Variants in NSD3 observed in about 807,000 individuals in gnomAD.
NSD3 encodes histone-lysine N-methyltransferase NSD3.
In NSD3, 24 loss-of-function variants were observed where a neutral mutation model predicts 160.8. That is an observed-to-expected ratio of 0.15 (90% CI 0.11 to 0.21). The LOEUF is 0.21. NSD3 is among the 10% of genes least tolerant of loss of function. The probability of loss-of-function intolerance (pLI) is 1.00; values close to 1 mark genes in which losing one functional copy is unlikely to be tolerated. For synonymous variants in NSD3, 520 were observed against 600.0 expected, an observed-to-expected ratio of 0.87 and a Z score of 1.95; for missense variants, 1,157 against 1,735.9, an observed-to-expected ratio of 0.67 and a Z score of 5.93.
At chr8:38,295,690 G>T in intron 16 of NSD3, 106 bp downstream of exon 16, 1 of 1,031,138 alleles carries the variant, frequency 9.7e-7, no homozygotes, top group Non-Finnish European at 1.4e-6. Context: ...TAAGGAAGTA[G>T]GTCCATGCTG....
chr8:38,292,792 A>C (rs1024407958), intron 16 of NSD3, among the ~76,000 whole-genome samples: 11 of 151,410 alleles, frequency 7.3e-5, no homozygotes, highest in African/African-American at 2.2e-4. Flanking sequence ...CTGTCTCAAA[A>C]AAACAAACAA....
chr8:38,373,224 C>T (rs745613139), intron 1 of NSD3, among the ~76,000 whole-genome samples: 1 of 151,678 alleles, frequency 6.6e-6, no homozygotes, highest in East Asian at 1.9e-4. Flanking sequence ...CCGATGTTCA[C>T]TTCTTTTTTT....
At position 38,329,351 on chromosome 8, in the gene NSD3, A is replaced by C; in HGVS notation, c.1581+27T>G. 1 of 1,593,790 alleles carries C rather than the reference A, an allele frequency of 6.3e-7. No individual in the cohort carries two copies. The highest frequency in any genetic ancestry group is 8.6e-7 in the Non-Finnish European group (1 of 1,167,978). On this transcript the variant is annotated intron_variant, in intron 6 of 23. Coordinates refer to ENST00000317025, the MANE Select transcript of NSD3 (RefSeq NM_023034.2). This position sits in a 1 kb window ranked among gnomAD's most constrained non-coding sequence, Gnocchi z 4.8. ...GACCACTTTTAAAATACCATCCCCCAAAAAACTCCACGAAAAAAGGAGGTA... is the reference window on the plus strand; with the variant it reads ...GACCACTTTTAAAATACCATCCCCCCAAAAACTCCACGAAAAAAGGAGGTA...
chr8:38,373,372 G>A (rs1245848252), intron 1 of NSD3, among the ~76,000 whole-genome samples: 2 of 152,018 alleles, frequency 1.3e-5, no homozygotes, highest in African/African-American at 2.4e-5. Context: ...ACAGGCGTGT[G>A]CCACCACGCC....
At chr8:38,322,779 T>C (rs779830111) in intron 7 of NSD3, among the ~76,000 whole-genome samples, 10 of 152,184 alleles carry the variant, frequency 6.6e-5, no homozygotes, top group Non-Finnish European at 1.3e-4. Context: ...ACGACAAAAA[T>C]GTGACAGTGC....
chr8:38,305,502 A>C lies in NSD3; in HGVS notation c.2243-57T>G, dbSNP rs1042970058. 9 of 1,567,184 alleles carry C rather than the reference A, an allele frequency of 5.7e-6. No individual in the cohort carries two copies. In the African/African-American group the frequency reaches 1.1e-4, roughly 19 times the overall value. On this transcript the variant is annotated intron_variant, in intron 12 of 23. Coordinates refer to ENST00000317025, the MANE Select transcript of NSD3 (RefSeq NM_023034.2). ...AAAATTGACTAAAGCATATTCAAGT[A>C]GAAGCAGCTACAGACATCAAACAGC... is the stretch of plus-strand genomic sequence containing the variant.
rs183194334 is a variant in NSD3, at chr8:38,288,468, C to T, written c.3501+19G>A. On this transcript the variant is annotated intron_variant, in intron 19 of 23. Coordinates refer to ENST00000317025, the MANE Select transcript of NSD3 (RefSeq NM_023034.2). This position sits in a 1 kb window ranked among gnomAD's most constrained non-coding sequence, Gnocchi z 4.5. ...CCAGGTTCTGGTCTCTTCCACCCCCCACCACCATCCCATGCTACCTTCTTA... is the reference window on the plus strand; with the variant it reads ...CCAGGTTCTGGTCTCTTCCACCCCCTACCACCATCCCATGCTACCTTCTTA... 15 of 1,611,000 alleles carry T rather than the reference C, an allele frequency of 9.3e-6. No homozygotes were observed. Among genetic ancestry groups the T allele is most frequent in the Non-Finnish European group, 1.3e-5 (15 of 1,177,906 alleles).
rs1446630143 is a variant in NSD3 at position 38,275,504 on chromosome 8, T to A, written c.*137A>T. Reference sequence around the variant, plus strand: ...ACACCACCAACTGCTTCTGCCTGCATGAACTGGTTTCCCATTTTTGCTTTA... The same window carrying A: ...ACACCACCAACTGCTTCTGCCTGCAAGAACTGGTTTCCCATTTTTGCTTTA... On this transcript the variant is annotated 3_prime_UTR_variant, in exon 24 of 24. Transcript: ENST00000317025. 1 of 779,244 alleles carries A rather than the reference T, an allele frequency of 1.3e-6. No homozygotes were observed. Among genetic ancestry groups the A allele is most frequent in the African/African-American group, 1.8e-5 (1 of 56,950 alleles). The allele number at this position is 779,244 out of a possible 1,614,324, so 48.3% of individuals were successfully genotyped here.
chr8:38,357,289 C>T (rs1378919884), intron 1 of NSD3, among the ~76,000 whole-genome samples: 2 of 152,066 alleles, frequency 1.3e-5, no homozygotes, highest in African/African-American at 4.8e-5. Flanking sequence ...CCACAACACT[C>T]TATTGATTAA....
chr8:38,344,168 C>T (rs1810455743), intron 2 of NSD3, among the ~76,000 whole-genome samples: 1 of 152,226 alleles, frequency 6.6e-6, no homozygotes, highest in South Asian at 2.1e-4. Context: ...TTCCAAATAA[C>T]AGCCACTCTT....
chr8:38,325,382 A>T (rs1809883747), intron 7 of NSD3, among the ~76,000 whole-genome samples: 1 of 152,252 alleles, frequency 6.6e-6, no homozygotes, highest in Non-Finnish European at 1.5e-5. Flanking sequence ...AAATTTTTAA[A>T]GAACAAAATG....
chr8:38,278,505 C>T, intron 21 of NSD3, 93 bp from the exon 22 acceptor site: 2 of 1,094,274 alleles, frequency 1.8e-6, no homozygotes, highest in Non-Finnish European at 2.6e-6. Context: ...AAAGAGACAT[C>T]ATTTTGGCAT....
In NSD3 at chr8:38,317,443, G is replaced by C; in HGVS notation, c.1856-1401C>G. On this transcript the variant is annotated intron_variant, in intron 9 of 23. Transcript: ENST00000317025. This position sits in a 1 kb window ranked among gnomAD's most constrained non-coding sequence, Gnocchi z 5.3. ...CAGAGGAACAGGAGTGCTGTACTGA[G>C]AGGCTTTCGAAGGGAAACACAGGTA... 9.5e-7 allele frequency: 1 copy of C among 1,058,082 alleles called. No homozygotes were observed. The highest frequency in any genetic ancestry group is 1.1e-6 in the Non-Finnish European group (1 of 874,738). The allele number at this position is 1,058,082 out of a possible 1,614,324, so 65.5% of individuals were successfully genotyped here.
intron 11 of NSD3, 54 bp downstream of exon 11, chr8:38,315,362 C>T: frequency 6.7e-7 from 1 of 1,482,332 alleles, no homozygotes; most frequent in South Asian, 1.4e-5. Flanking sequence ...AAGTCTATTA[C>T]TGGCAGAATA....
intron 1 of NSD3, among the ~76,000 whole-genome samples, chr8:38,374,584 C>T (rs181867082): frequency 2.4e-4 from 37 of 152,166 alleles, no homozygotes; most frequent in African/African-American, 8.9e-4. Flanking sequence ...GAGCCAGACC[C>T]TGTCTCACAA....
In NSD3 at chr8:38,269,986, A is replaced by G. The variant is rs1808384769; in HGVS notation, c.*5655T>C. ...TAAGCTATCTATATACAGGTTAACC[A>G]AGCTTTACACGTTTCACACTATGCA... On this transcript the variant is annotated 3_prime_UTR_variant, in exon 24 of 24. Transcript: ENST00000317025. The G allele has an allele frequency of 6.6e-6, 1 of 152,234 alleles. No individual in the cohort carries two copies. The highest frequency in any genetic ancestry group is 6.5e-5 in the Admixed American group (1 of 15,284). The allele number at this position is 152,234 out of a possible 1,614,324, so 9.4% of individuals were successfully genotyped here. A position where few individuals can be genotyped will look rare whatever the true frequency, so the allele number is the denominator to read the frequency against.
Position 38,273,822 on chromosome 8 carries a change from T to G in NSD3, c.*1819A>C, listed in dbSNP as rs922799550. 2.0e-5 allele frequency: 3 copies of G among 152,216 alleles called. No homozygotes were observed. Among genetic ancestry groups the G allele is most frequent in the African/African-American group, 7.2e-5 (3 of 41,462 alleles). The allele number at this position is 152,216 out of a possible 1,614,324, so 9.4% of individuals were successfully genotyped here. A position where few individuals can be genotyped will look rare whatever the true frequency, so the allele number is the denominator to read the frequency against. On this transcript the variant is annotated 3_prime_UTR_variant, in exon 24 of 24. Coordinates refer to ENST00000317025, the MANE Select transcript of NSD3 (RefSeq NM_023034.2). ...GACCATATCTAATCAACAGAAGTACTGGAAGCCCAATGAGTCACCGCAGAA... is the reference window on the plus strand; with the variant it reads ...GACCATATCTAATCAACAGAAGTACGGGAAGCCCAATGAGTCACCGCAGAA...
intron 14 of NSD3, among the ~76,000 whole-genome samples, chr8:38,301,725 G>A (rs776355210): frequency 1.8e-4 from 28 of 152,218 alleles, no homozygotes; most frequent in Admixed American, 7.2e-4. Flanking sequence ...GTGTCATTAG[G>A]TAAATTATTT....
intron 4 of NSD3, among the ~76,000 whole-genome samples, 179 bp from the exon 5 acceptor site, chr8:38,331,764 T>C (rs1202138581): frequency 6.6e-6 from 1 of 152,124 alleles, no homozygotes; most frequent in Non-Finnish European, 1.5e-5. Context: ...ACTGTAAAAA[T>C]CACCACAAAT....
Sources: allele counts gnomAD v4.1 joint callset (sites outside exome capture counted in the v4.1 genomes callset), GRCh38; gene constraint gnomAD v4.1.1; non-coding constraint Gnocchi (gnomAD v3.1); transcripts MANE v1.5; gene names NCBI Gene and HGNC (gene_info 2026-07-23, HGNC 2026-07-21).